The following LRSAM1 variants were observed in gnomAD, a reference collection of about 807,000 sequenced individuals.
LRSAM1 encodes E3 ubiquitin-protein ligase LRSAM1.
In LRSAM1, 96 loss-of-function variants were observed where a neutral mutation model predicts 118.1. That is an observed-to-expected ratio of 0.81 (90% CI 0.69 to 0.96). LRSAM1 has a LOEUF of 0.96. Ranked by LOEUF, LRSAM1 falls within the 40% of genes least tolerant of loss-of-function variation. The probability of loss-of-function intolerance (pLI) is 0.00; values close to 1 mark genes in which losing one functional copy is unlikely to be tolerated. For synonymous variants in LRSAM1, 322 were observed against 364.2 expected, an observed-to-expected ratio of 0.88 and a Z score of 1.32; for missense variants, 804 against 915.5, an observed-to-expected ratio of 0.88 and a Z score of 1.57.
intron 16 of LRSAM1, among the ~76,000 whole-genome samples, chr9:127,484,263 CT>C (rs35834839): frequency 0.031 from 4,137 of 133,630 alleles, 98 homozygotes; most frequent in African/African-American, 0.049. Context: ...ATTTCTTTCC[CT>C]TTTTTTTTTT....
intron 6 of LRSAM1, among the ~76,000 whole-genome samples, chr9:127,458,725 AG>A (rs1273837103): frequency 6.6e-6 from 1 of 152,240 alleles, no homozygotes; most frequent in Non-Finnish European, 1.5e-5. Context: ...TATACAATGG[AG>A]TGTTTCTTTT....
Position 127,487,696 on chromosome 9 carries a change from G to A in LRSAM1, c.1280G>A (p.Arg427Gln), listed in dbSNP as rs200963472. 9.9e-6 allele frequency: 16 copies of A among 1,613,714 alleles called. No homozygotes were observed. In the African/African-American group the frequency reaches 1.1e-4, roughly 11 times the overall value. The change falls in exon 18 of 26, where the codon CGA becomes CAA. Residue 427 changes from arginine to glutamine, a missense_variant. Physicochemically the swap from Arg to Gln is conservative, Grantham distance 43. Coordinates refer to ENST00000300417, the MANE Select transcript of LRSAM1 (RefSeq NM_001005373.4). ...GGCAGCATGGCCGAAATGGATGAAC[G>A]ATTCCAGCAGATTCTGTCGTGGCAG... ...ACSSMAEMDE[R>Q]FQQILSWQQM... is the part of the protein sequence containing the mutation.
At chr9:127,461,700 G>A (rs897461172) in intron 8 of LRSAM1, among the ~76,000 whole-genome samples, 4 of 152,220 alleles carry the variant, frequency 2.6e-5, no homozygotes, top group East Asian at 3.9e-4. Context: ...AACAAGGCCC[G>A]GGAAATCAAG....
At chr9:127,492,753 C>G in intron 20 of LRSAM1, 49 bp from the exon 21 acceptor site, 3 of 1,573,302 alleles carry the variant, frequency 1.9e-6, no homozygotes, top group Non-Finnish European at 2.6e-6. Context: ...TGCGGGACTC[C>G]TGCGCTGCCG....
At chr9:127,487,367 G>T in intron 17 of LRSAM1, 1 of 368,616 alleles carries the variant, frequency 2.7e-6, no homozygotes, top group Non-Finnish European at 5.3e-6. Flanking sequence ...CCCACCCATG[G>T]AGGTGGCTGG....
intron 9 of LRSAM1, among the ~76,000 whole-genome samples, chr9:127,466,013 T>A (rs2132023949): frequency 6.6e-6 from 1 of 152,200 alleles, no homozygotes; most frequent in African/African-American, 2.4e-5. Context: ...AATGCAAATA[T>A]TAAGAAACAT....
At chr9:127,491,940 T>C (rs572675446) in intron 20 of LRSAM1, among the ~76,000 whole-genome samples, 2 of 152,336 alleles carry the variant, frequency 1.3e-5, no homozygotes, top group South Asian at 4.1e-4. Context: ...GACGGAGGGC[T>C]GGATGGGATG....
intron 18 of LRSAM1, 79 bp downstream of exon 18, chr9:127,487,842 C>G: frequency 8.0e-7 from 1 of 1,249,746 alleles, no homozygotes; most frequent in South Asian, 1.3e-5. Flanking sequence ...GAGCTCCACA[C>G]GGAGCCCTTC....
At chr9:127,498,653 C>T (rs1015804738) in intron 24 of LRSAM1, among the ~76,000 whole-genome samples, 5 of 152,214 alleles carry the variant, frequency 3.3e-5, no homozygotes. Context: ...TGCCCATTGG[C>T]AGGGGAAGGG....
At chr9:127,481,882 G>A (rs549138571) in intron 15 of LRSAM1, among the ~76,000 whole-genome samples, 123 of 151,630 alleles carry the variant, frequency 8.1e-4, no homozygotes, top group African/African-American at 2.9e-3. Flanking sequence ...ATGGCAAAAC[G>A]CTGTCTCTAC....
intron 19 of LRSAM1, among the ~76,000 whole-genome samples, 166 bp downstream of exon 19, chr9:127,489,684 C>T (rs1382448355): frequency 1.3e-5 from 2 of 152,204 alleles, no homozygotes; most frequent in African/African-American, 4.8e-5. Flanking sequence ...TGCTCCCAGC[C>T]TTGTGTCGGG....
chr9:127,463,973 C>T (rs1035526786), intron 9 of LRSAM1, among the ~76,000 whole-genome samples: 15 of 152,224 alleles, frequency 9.9e-5, no homozygotes, highest in Admixed American at 6.5e-5. Context: ...CAGCAGAGAT[C>T]GTTGTAAACC....
intron 7 of LRSAM1, among the ~76,000 whole-genome samples, chr9:127,460,225 C>T (rs1834682771): frequency 6.6e-6 from 1 of 152,008 alleles, no homozygotes; most frequent in African/African-American, 2.4e-5. Flanking sequence ...GTCTCAATCT[C>T]CTGATCTCAT....
chr9:127,458,082 A>T (rs573985085), intron 6 of LRSAM1, among the ~76,000 whole-genome samples: 1 of 150,334 alleles, frequency 6.7e-6, no homozygotes. Context: ...GTGCATTTTC[A>T]TTTTTAAAAA....
At chr9:127,495,588 C>A (rs941658184) in intron 22 of LRSAM1, among the ~76,000 whole-genome samples, 170 bp downstream of exon 22, 1 of 152,180 alleles carries the variant, frequency 6.6e-6, no homozygotes, top group African/African-American at 2.4e-5. Context: ...AGGGAGTGTT[C>A]ATTCTGGTGA....
intron 16 of LRSAM1, among the ~76,000 whole-genome samples, chr9:127,483,806 A>C (rs1835627115): frequency 6.6e-6 from 1 of 152,056 alleles, no homozygotes; most frequent in South Asian, 2.1e-4. Flanking sequence ...AGGATCACAG[A>C]TGCACACCAC....
intron 22 of LRSAM1, among the ~76,000 whole-genome samples, chr9:127,495,758 A>G (rs1264926898): frequency 1.3e-5 from 2 of 151,990 alleles, no homozygotes; most frequent in Non-Finnish European, 2.9e-5. Flanking sequence ...GTTGCTTACT[A>G]TTTTCAGGTT....
chr9:127,462,114 C>G (rs1011240994), intron 8 of LRSAM1, 138 bp from the exon 9 acceptor site: 53 of 1,220,164 alleles, frequency 4.3e-5, no homozygotes, highest in South Asian at 7.2e-5. Context: ...TGGAACTCCA[C>G]CTTCTTGAGC....
intron 18 of LRSAM1, among the ~76,000 whole-genome samples, chr9:127,488,514 G>A (rs529843132): frequency 5.9e-5 from 9 of 152,052 alleles, no homozygotes; most frequent in East Asian, 1.9e-4. Flanking sequence ...CACCCACCTC[G>A]GCCTCCCAAA....
Sources: allele counts gnomAD v4.1 joint callset (sites outside exome capture counted in the v4.1 genomes callset), GRCh38; gene constraint gnomAD v4.1.1; transcripts MANE v1.5; gene names NCBI Gene and HGNC (gene_info 2026-07-23, HGNC 2026-07-21).